The following FRA10AC1 variants were observed in gnomAD, a reference collection of about 807,000 sequenced individuals.
FRA10AC1 encodes the protein FRA10A associated CGG repeat 1, also known as protein FRA10AC1.
A neutral mutation model predicts 56.5 loss-of-function variants in FRA10AC1; 43 were observed. That is an observed-to-expected ratio of 0.76 (90% CI 0.60 to 0.98). FRA10AC1 has a LOEUF of 0.98. Among genes scored for constraint, FRA10AC1 ranks in the 50% least tolerant of loss-of-function variants. The pLI is 0.00. For missense variants in FRA10AC1, 346 were observed against 351.8 expected, an observed-to-expected ratio of 0.98 and a Z score of 0.13; for synonymous variants, 112 against 110.5, an observed-to-expected ratio of 1.01 and a Z score of -0.09.
intron 9 of FRA10AC1, 36 bp from the exon 10 acceptor site, chr10:93,684,134 G>T: frequency 1.4e-6 from 2 of 1,469,798 alleles, no homozygotes; most frequent in South Asian, 1.2e-5. Context: ...GGCTGATTTT[G>T]AATAACCACA....
At position 93,679,351 on chromosome 10, in the gene FRA10AC1, G is replaced by A. The variant is rs77132079; in HGVS notation, c.787+2129C>T. ...TCTCTGCCTCTTTGGCTTTTACATC[G>A]TCATATGTGTAATAATGGAAAGTGT... On this transcript the variant is annotated intron_variant, in intron 11 of 13. Coordinates refer to ENST00000359204, the MANE Select transcript of FRA10AC1 (RefSeq NM_145246.5). Among the ~76,000 whole-genome samples the A allele has an allele frequency of 9.5e-4, 144 of 152,180 alleles. 6 individuals are homozygous for A. The East Asian group carries it at 0.026, about 28-fold the overall frequency.
At chr10:93,687,304 T>A (rs774515677) in intron 8 of FRA10AC1, 100 bp downstream of exon 8, 9 of 940,810 alleles carry the variant, frequency 9.6e-6, no homozygotes, top group Non-Finnish European at 1.4e-5. Context: ...TTGTAGCTAA[T>A]AATTTCTTGT....
At chr10:93,689,009 G>A (rs2059077818) in intron 7 of FRA10AC1, among the ~76,000 whole-genome samples, 1 of 151,084 alleles carries the variant, frequency 6.6e-6, no homozygotes, top group Non-Finnish European at 1.5e-5. Context: ...TAGTAAGACA[G>A]AGGATTCATA....
At chr10:93,699,373 A>G (rs906054784) in intron 2 of FRA10AC1, among the ~76,000 whole-genome samples, 1 of 152,198 alleles carries the variant, frequency 6.6e-6, no homozygotes, top group African/African-American at 2.4e-5. Context: ...AAATCAGTCA[A>G]CAGCCGTGTA....
At chr10:93,682,380 G>A (rs11187584) in intron 10 of FRA10AC1, among the ~76,000 whole-genome samples, 14,479 of 152,208 alleles carry the variant, frequency 0.095, 801 homozygotes, top group Middle Eastern at 0.13. Flanking sequence ...AACCACTTTT[G>A]CATATTTTGT....
chr10:93,689,723 T>C (rs949896467), intron 7 of FRA10AC1, among the ~76,000 whole-genome samples: 1 of 152,210 alleles, frequency 6.6e-6, no homozygotes, highest in African/African-American at 2.4e-5. Flanking sequence ...AAAGACTGTA[T>C]ATTATTTCCT....
At position 93,690,252 on chromosome 10, in the gene FRA10AC1, T is replaced by A. The variant is rs529666520; in HGVS notation, c.465+1757A>T. 8.5e-5 allele frequency among the ~76,000 whole-genome samples: 13 copies of A among 152,188 alleles called. No homozygotes were observed. The South Asian group carries it at 2.7e-3, about 32-fold the overall frequency. ...CATTATCTTCCCCCCACAAAAAAAA[T>A]CCTCCTCCAAATTCTGTATTTTTCT... On this transcript the variant is annotated intron_variant, in intron 7 of 13. Transcript: ENST00000359204.
At position 93,684,083 on chromosome 10, in the gene FRA10AC1, C is replaced by G; in HGVS notation, c.641G>C (p.Cys214Ser). The G allele has an allele frequency of 1.2e-6, 2 of 1,606,544 alleles. No homozygotes were observed. Among genetic ancestry groups the G allele is most frequent in the South Asian group, 1.1e-5 (1 of 90,700 alleles). ...ALVKLRLCQE[C>S]SIKLNFHHRR... Reference sequence around the variant, plus strand: ...GTGATGGAAATTTAATTTAATGGAACATTCTTGGCATAACCCTAAAAAGAA... The same window carrying G: ...GTGATGGAAATTTAATTTAATGGAAGATTCTTGGCATAACCCTAAAAAGAA... The change falls in exon 10 of 14, where the codon TGT becomes TCT. Residue 214 changes from cysteine to serine, a missense_variant. By Grantham distance (112) the Cys-to-Ser change is moderately radical. Transcript: ENST00000359204.
intron 8 of FRA10AC1, among the ~76,000 whole-genome samples, chr10:93,687,086 A>C (rs907414300): frequency 1.7e-4 from 26 of 151,918 alleles, no homozygotes; most frequent in Admixed American, 2.6e-4. Flanking sequence ...TTAATAAAGA[A>C]AGGAAAAAAA....
intron 11 of FRA10AC1, 92 bp from the exon 12 acceptor site, chr10:93,676,783 T>C (rs2058849760): frequency 7.0e-7 from 1 of 1,422,954 alleles, no homozygotes. Flanking sequence ...ATATTCTAGT[T>C]TGCTTATAGT....
At chr10:93,676,530 T>C in intron 12 of FRA10AC1, 123 bp downstream of exon 12, 1 of 1,359,454 alleles carries the variant, frequency 7.4e-7, no homozygotes, top group Non-Finnish European at 9.6e-7. Context: ...GTTTTTCTCA[T>C]GTACAAAAAT....
chr10:93,669,962 G>C lies in FRA10AC1; in HGVS notation c.906-94C>G, dbSNP rs1392885205. On this transcript the variant is annotated intron_variant, in intron 13 of 13. Transcript: ENST00000359204. ...GATTAATAAAAATAAAATACTTTAA[G>C]TCAACATATTGGCTGATTCTGCTAT... 39 of 648,716 alleles carry C rather than the reference G, an allele frequency of 6.0e-5. No homozygotes were observed. The East Asian group carries it at 1.1e-3, about 18-fold the overall frequency. 40.2% of individuals were successfully genotyped at this position (648,716 alleles called of 1,614,324 possible).
intron 2 of FRA10AC1, among the ~76,000 whole-genome samples, chr10:93,699,107 C>T (rs2059285238): frequency 6.6e-6 from 1 of 152,018 alleles, no homozygotes; most frequent in Non-Finnish European, 1.5e-5. Flanking sequence ...GACTGTCAGC[C>T]CTAGTTATAG....
rs1054627925 is a variant in FRA10AC1 at position 93,669,792 on chromosome 10, T to A, written c.*34A>T. 10 of 1,440,652 alleles carry A rather than the reference T, an allele frequency of 6.9e-6. No homozygotes were observed. Among genetic ancestry groups the A allele is most frequent in the Non-Finnish European group, 9.6e-7 (1 of 1,044,926 alleles). The allele number at this position is 1,440,652 out of a possible 1,614,324, so 89.2% of individuals were successfully genotyped here. ...ATGAAGTTTAAAACTTCATGAAGTT[T>A]CACATTAAGGAGCGGAGGCTTCTCT... On this transcript the variant is annotated 3_prime_UTR_variant, in exon 14 of 14. Transcript: ENST00000359204.
chr10:93,680,479 T>C (rs887521845), intron 11 of FRA10AC1, among the ~76,000 whole-genome samples: 3 of 152,036 alleles, frequency 2.0e-5, no homozygotes, highest in African/African-American at 7.2e-5. Context: ...GCTATGGGAG[T>C]AGACAGTATC....
chr10:93,679,320 GC>G (rs1297194328), intron 11 of FRA10AC1, among the ~76,000 whole-genome samples: 1 of 152,158 alleles, frequency 6.6e-6, no homozygotes, highest in Non-Finnish European at 1.5e-5. Flanking sequence ...AACAAAGCAG[GC>G]AGAATCTCTG....
In FRA10AC1 at chr10:93,670,858, TA is replaced by T. The variant is rs763549719; in HGVS notation, c.827-11del. 6.3e-7 allele frequency: 1 copy of T among 1,592,862 alleles called. No individual in the cohort carries two copies. Among genetic ancestry groups the T allele is most frequent in the Non-Finnish European group, 8.6e-7 (1 of 1,162,316 alleles). ...TCCTCATCAGAGTTTCCTGTTCATT[TA>T]AAAAAGATGATTTTTAAAAACCTAT... On this transcript the variant is annotated splice_polypyrimidine_tract_variant and intron_variant, in intron 12 of 13. Transcript: ENST00000359204.
At chr10:93,690,955 T>C (rs1248483073) in intron 7 of FRA10AC1, among the ~76,000 whole-genome samples, 1 of 152,130 alleles carries the variant, frequency 6.6e-6, no homozygotes, top group East Asian at 1.9e-4. Context: ...ACTGAAAAAA[T>C]TATTAAATCA....
chr10:93,688,076 G>T (rs1171887988), intron 7 of FRA10AC1: 1 of 152,080 alleles, frequency 6.6e-6, no homozygotes, highest in Non-Finnish European at 1.5e-5. Context: ...GATGTTTACA[G>T]CAACTTTATT....
Sources: gnomAD v4.1 joint callset for allele counts (sites outside exome capture counted in the v4.1 genomes callset) on GRCh38, gnomAD v4.1.1 for gene constraint, MANE v1.5 for transcripts, NCBI Gene and HGNC (gene_info 2026-07-23, HGNC 2026-07-21) for gene names.